LRRFIP2: variants seen among roughly 807,000 people sequenced by gnomAD.
The protein encoded by LRRFIP2 is leucine-rich repeat flightless-interacting protein 2.
Under a neutral mutation model 125.9 loss-of-function variants are expected in LRRFIP2, and 109 were observed. The observed-to-expected ratio is 0.87, with a 90% confidence interval of 0.74 to 1.01. LRRFIP2 has a LOEUF of 1.01. LRRFIP2 is among the 50% of genes least tolerant of loss of function. The pLI, the probability that LRRFIP2 is intolerant of heterozygous loss-of-function variation, is 0.00. For missense variants in LRRFIP2, 850 were observed against 862.3 expected (o/e 0.99, Z 0.18); for synonymous variants, 291 against 293.1 (o/e 0.99, Z 0.07).
chr3:37,142,687 C>T (rs968768111), intron 2 of LRRFIP2, among the ~76,000 whole-genome samples: 1 of 152,156 alleles, frequency 6.6e-6, no homozygotes, highest in African/African-American at 2.4e-5. Context: ...CAATTTGTAG[C>T]AGGTTTCTTA....
intron 1 of LRRFIP2, among the ~76,000 whole-genome samples, chr3:37,165,275 T>C (rs2096451356): frequency 6.6e-6 from 1 of 151,462 alleles, no homozygotes; most frequent in African/African-American, 2.4e-5. Flanking sequence ...GAACTGTGCA[T>C]GTGAGGGATC....
intron 21 of LRRFIP2, among the ~76,000 whole-genome samples, chr3:37,072,554 C>A (rs2091407517): frequency 2.0e-5 from 3 of 149,940 alleles, no homozygotes; most frequent in Admixed American, 2.0e-4. Context: ...AGAGAAACTT[C>A]CTTTAAAAGT....
At position 37,053,898 on chromosome 3, in the gene LRRFIP2, G is replaced by C; in HGVS notation, c.2119C>G (p.Leu707Val). Residue 707 changes from leucine to valine, a missense_variant, in exon 28 of 28, where the codon CTG becomes GTG. By Grantham distance (32) the Leu-to-Val change is conservative. Transcript: ENST00000336686. Reference sequence around the variant, plus strand: ...GTCCTATTGGCCTTCATCTTCTCCAGCCGCTTGGCCAGGTGGCTGTTGGTC... The same window carrying C: ...GTCCTATTGGCCTTCATCTTCTCCACCCGCTTGGCCAGGTGGCTGTTGGTC... ...EMTNSHLAKR[L>V]EKMKANRTAL... The C allele has an allele frequency of 6.2e-7, 1 of 1,614,168 alleles. No individual in the cohort carries two copies. The highest frequency in any genetic ancestry group is 8.5e-7 in the Non-Finnish European group (1 of 1,179,988).
intron 4 of LRRFIP2, among the ~76,000 whole-genome samples, chr3:37,125,047 T>TA: frequency 6.7e-6 from 1 of 150,184 alleles, no homozygotes; most frequent in East Asian, 2.0e-4. Context: ...TACAACGCCT[T>TA]AAAAAAAAAA....
chr3:37,170,906 T>A (rs952259073), intron 1 of LRRFIP2: 1 of 152,168 alleles, frequency 6.6e-6, no homozygotes, highest in African/African-American at 2.4e-5. Context: ...ACACCCCGTT[T>A]CTACAAAAAA....
At chr3:37,059,012 T>A in intron 24 of LRRFIP2, 102 bp from the exon 25 acceptor site, 2 of 1,411,102 alleles carry the variant, frequency 1.4e-6, no homozygotes, top group Admixed American at 1.9e-5. Context: ...CCTTATCGTA[T>A]CAGCCACATT....
intron 14 of LRRFIP2, among the ~76,000 whole-genome samples, chr3:37,103,489 A>G (rs2094174901): frequency 1.3e-5 from 2 of 152,126 alleles, no homozygotes; most frequent in Admixed American, 1.3e-4. Flanking sequence ...TTATATTCCC[A>G]AAGACCAGGA....
At chr3:37,059,367 A>G (rs1401096460) in intron 24 of LRRFIP2, among the ~76,000 whole-genome samples, 1 of 152,236 alleles carries the variant, frequency 6.6e-6, no homozygotes, top group Non-Finnish European at 1.5e-5. Flanking sequence ...AAACAAAAAT[A>G]TAAACAGTTA....
intron 19 of LRRFIP2, among the ~76,000 whole-genome samples, chr3:37,081,021 T>C (rs1004690711): frequency 1.3e-5 from 2 of 152,166 alleles, no homozygotes; most frequent in South Asian, 2.1e-4. Context: ...AAGTGGCTCA[T>C]GCCTGTAATC....
intron 2 of LRRFIP2, among the ~76,000 whole-genome samples, chr3:37,138,422 T>C (rs2095610477): frequency 6.6e-6 from 1 of 152,096 alleles, no homozygotes; most frequent in South Asian, 2.1e-4. Context: ...TAAAATAAAA[T>C]CCATAAATTG....
intron 18 of LRRFIP2, among the ~76,000 whole-genome samples, chr3:37,090,603 G>T (rs1559792478): frequency 6.6e-6 from 1 of 151,496 alleles, no homozygotes; most frequent in Non-Finnish European, 1.5e-5. Flanking sequence ...CATAACAGGA[G>T]GCTTGAACTT....
Position 37,066,296 on chromosome 3 carries a change from G to A in LRRFIP2, c.1494C>T (p.Ala498=), listed in dbSNP as rs1219993022. 4 of 1,614,014 alleles carry A rather than the reference G, an allele frequency of 2.5e-6. No individual in the cohort carries two copies. Among genetic ancestry groups the A allele is most frequent in the Non-Finnish European group, 3.4e-6 (4 of 1,179,986 alleles). Reference sequence around the variant, plus strand: ...GCATATCTCGCTCATTCCTAAGGCAGGCAATGTATTCTTTCTGTTTCTCTA... The same window carrying A: ...GCATATCTCGCTCATTCCTAAGGCAAGCAATGTATTCTTTCTGTTTCTCTA... ...GALEKQKEYI[A]CLRNERDMLR... The change falls in exon 22 of 28, where the codon GCC becomes GCT. Residue 498 remains alanine (A), a synonymous_variant. Coordinates refer to ENST00000336686, the MANE Select transcript of LRRFIP2 (RefSeq NM_006309.4).
chr3:37,054,544 T>C, intron 26 of LRRFIP2, 29 bp from the exon 27 acceptor site: 1 of 1,464,532 alleles, frequency 6.8e-7, no homozygotes, highest in Non-Finnish European at 9.5e-7. Context: ...AGGCCTCTAG[T>C]ACTGGGCACT....
At chr3:37,154,412 T>C (rs896458327) in intron 1 of LRRFIP2, among the ~76,000 whole-genome samples, 1 of 152,228 alleles carries the variant, frequency 6.6e-6, no homozygotes, top group African/African-American at 2.4e-5. Context: ...ATTTCTACCC[T>C]AAGGTTTCCT....
At chr3:37,075,003 T>C in intron 20 of LRRFIP2, 21 bp downstream of exon 20, 1 of 1,560,790 alleles carries the variant, frequency 6.4e-7, no homozygotes, top group Non-Finnish European at 8.8e-7. Context: ...AATTAAGTAT[T>C]CCCACAGTTC....
chr3:37,113,523 A>T (rs1469282868), intron 7 of LRRFIP2, among the ~76,000 whole-genome samples: 2 of 152,090 alleles, frequency 1.3e-5, no homozygotes, highest in Admixed American at 6.6e-5. Context: ...GATGGTCTTG[A>T]ACTCTTGGCC....
At chr3:37,080,309 T>C in intron 19 of LRRFIP2, among the ~76,000 whole-genome samples, 1 of 151,910 alleles carries the variant, frequency 6.6e-6, no homozygotes, top group East Asian at 1.9e-4. Context: ...GGCAGGAGAA[T>C]CACTTGAACC....
chr3:37,069,728 G>A (rs1163437796), intron 21 of LRRFIP2, among the ~76,000 whole-genome samples: 1 of 152,120 alleles, frequency 6.6e-6, no homozygotes, highest in Non-Finnish European at 1.5e-5. Flanking sequence ...TTGTACTTTA[G>A]CACAATTTTT....
rs1460138149 is a variant in LRRFIP2, at chr3:37,129,164, A to G, written c.91-15T>C. On this transcript the variant is annotated splice_polypyrimidine_tract_variant and intron_variant, in intron 2 of 27. Transcript: ENST00000336686. Reference sequence around the variant, plus strand: ...CTTGCCTCTGCCTGAAAAGTAATATAAAACTCAGCTTTATACAACAAAAAC... The same window carrying G: ...CTTGCCTCTGCCTGAAAAGTAATATGAAACTCAGCTTTATACAACAAAAAC... The G allele has an allele frequency of 3.1e-6, 5 of 1,612,158 alleles. No individual in the cohort carries two copies. In the South Asian group the frequency reaches 4.4e-5, roughly 14 times the overall value.
Sources: allele counts gnomAD v4.1 joint callset (sites outside exome capture counted in the v4.1 genomes callset), GRCh38; gene constraint gnomAD v4.1.1; transcripts MANE v1.5; gene names NCBI Gene and HGNC (gene_info 2026-07-23, HGNC 2026-07-21).